Variants in TNRC6C observed in about 807,000 individuals in gnomAD.
The protein encoded by TNRC6C is trinucleotide repeat containing adaptor 6C.
Under a neutral mutation model 153.7 loss-of-function variants are expected in TNRC6C, and 20 were observed. The ratio of observed to expected loss-of-function variants is 0.13; its 90% CI spans 0.09 to 0.19. The LOEUF (loss-of-function observed/expected upper bound fraction) is 0.19. Ranked by LOEUF, TNRC6C falls within the 10% of genes least tolerant of loss-of-function variation. TNRC6C has a pLI of 1.00. For synonymous variants in TNRC6C, 811 were observed against 841.4 expected (o/e 0.96, Z 0.63); for missense variants, 1,987 against 2,172.0 (o/e 0.91, Z 1.69).
chr17:78,075,251 C>T lies in TNRC6C; in HGVS notation c.3033C>T (p.Ser1011=), dbSNP rs200983108. Reference sequence around the variant, plus strand: ...GCCCGCCAATCTCCAAAGAGTCTTCCGTGGACCGCCCCACCTTTCTTGACA... The same window carrying T: ...GCCCGCCAATCTCCAAAGAGTCTTCTGTGGACCGCCCCACCTTTCTTGACA... Residue 1011 remains serine, a synonymous_variant, in exon 8 of 20, where the codon TCC becomes TCT. Transcript: ENST00000301624. The surrounding 1 kb of genome is among the most constrained non-coding windows in gnomAD (Gnocchi z 4.2). 11 of 1,599,880 alleles carry T rather than the reference C, an allele frequency of 6.9e-6. No homozygotes were observed. In the East Asian group the frequency reaches 9.0e-5, roughly 13 times the overall value.
intron 7 of TNRC6C, among the ~76,000 whole-genome samples, chr17:78,073,717 G>A (rs2073037213): frequency 6.6e-6 from 1 of 152,180 alleles, no homozygotes; most frequent in Non-Finnish European, 1.5e-5. Flanking sequence ...CAACATTTTT[G>A]TCAACCAATC....
At chr17:78,050,489 C>T (rs753886770) in exon 3 of TNRC6C, 1 of 1,613,990 alleles carries the variant, frequency 6.2e-7, no homozygotes, top group Non-Finnish European at 8.5e-7. Flanking sequence ...GACAATGGGA[C>T]AGAGGCCTGG....
At chr17:78,027,855 C>T (rs1279058137) in intron 1 of TNRC6C, among the ~76,000 whole-genome samples, 1 of 149,662 alleles carries the variant, frequency 6.7e-6, no homozygotes, top group African/African-American at 2.5e-5. Context: ...AGATGTGGGA[C>T]AAAGAACAGG....
At chr17:77,967,580 G>C (rs895894298) in intron 1 of TNRC6C, among the ~76,000 whole-genome samples, 4 of 152,194 alleles carry the variant, frequency 2.6e-5, no homozygotes, top group African/African-American at 9.7e-5. Context: ...CTGCACTACT[G>C]TTTTCTGTAG....
intron 4 of TNRC6C, among the ~76,000 whole-genome samples, chr17:78,065,545 T>A (rs1476665848): frequency 6.6e-6 from 1 of 152,194 alleles, no homozygotes; most frequent in Non-Finnish European, 1.5e-5. Context: ...TTCTTGTACC[T>A]GCCACATTAA....
intron 1 of TNRC6C, among the ~76,000 whole-genome samples, chr17:77,971,081 T>C (rs184585431): frequency 2.2e-4 from 33 of 152,336 alleles, no homozygotes; most frequent in Admixed American, 3.9e-4. Flanking sequence ...AATGTAAAGA[T>C]GTTATAATTT....
chr17:77,986,337 C>T (rs888939220), intron 1 of TNRC6C, among the ~76,000 whole-genome samples: 3 of 150,322 alleles, frequency 2.0e-5, no homozygotes, highest in Admixed American at 1.3e-4. Context: ...ATCGTTTGAA[C>T]GCGGGAGACA....
intron 9 of TNRC6C, chr17:78,077,904 C>T (rs2073112571): frequency 6.4e-6 from 1 of 156,320 alleles, no homozygotes; most frequent in African/African-American, 2.4e-5. Flanking sequence ...CACTTCATCT[C>T]ACTTTTCTCA....
chr17:78,009,420 A>G (rs1175328991), intron 1 of TNRC6C, among the ~76,000 whole-genome samples: 1 of 152,172 alleles, frequency 6.6e-6, no homozygotes, highest in Non-Finnish European at 1.5e-5. Context: ...AATTTAATTC[A>G]GTGCTTTTAG....
intron 1 of TNRC6C, among the ~76,000 whole-genome samples, chr17:78,029,080 TACTC>T (rs1292362122): frequency 1.3e-5 from 2 of 152,242 alleles, no homozygotes; most frequent in Non-Finnish European, 2.9e-5. Flanking sequence ...TTATGCAACT[TACTC>T]TAATATGATT....
chr17:78,101,809 C>T (rs937813654), intron 17 of TNRC6C, among the ~76,000 whole-genome samples: 12 of 152,202 alleles, frequency 7.9e-5, no homozygotes, highest in Admixed American at 3.9e-4. Context: ...AGCAGTCTTC[C>T]GCCCTGGGTG....
At chr17:78,074,247 C>T (rs1377966462) in intron 7 of TNRC6C, among the ~76,000 whole-genome samples, 2 of 152,178 alleles carry the variant, frequency 1.3e-5, no homozygotes, top group Non-Finnish European at 2.9e-5. Context: ...AAGGACACTT[C>T]TTTACAACCT....
chr17:77,984,940 A>T (rs1050312291), intron 1 of TNRC6C, among the ~76,000 whole-genome samples: 4 of 152,212 alleles, frequency 2.6e-5, no homozygotes, highest in Non-Finnish European at 5.9e-5. Flanking sequence ...CTCTAAAAAC[A>T]TAACCACCTT....
chr17:77,960,537 T>G (rs1248093183), intron 1 of TNRC6C, among the ~76,000 whole-genome samples: 1 of 152,204 alleles, frequency 6.6e-6, no homozygotes, highest in African/African-American at 2.4e-5. Flanking sequence ...AAACCTGGCT[T>G]GAGTGATTTC....
intron 1 of TNRC6C, among the ~76,000 whole-genome samples, chr17:77,984,772 T>C (rs1222165706): frequency 6.6e-6 from 1 of 152,174 alleles, no homozygotes; most frequent in African/African-American, 2.4e-5. Context: ...GTGGCAGCCA[T>C]GCCCTCTCCA....
intron 1 of TNRC6C, among the ~76,000 whole-genome samples, chr17:78,006,458 G>C (rs1368406324): frequency 6.6e-6 from 1 of 152,002 alleles, no homozygotes; most frequent in Non-Finnish European, 1.5e-5. Flanking sequence ...AGAGTTAACT[G>C]TTCTGGATCA....
chr17:78,007,805 T>G (rs564058116), intron 1 of TNRC6C, among the ~76,000 whole-genome samples: 68 of 152,386 alleles, frequency 4.5e-4, no homozygotes, highest in Admixed American at 4.0e-3. Context: ...AATTTTGGTT[T>G]TGATAATTAG....
chr17:78,007,084 T>TC (rs950978836), intron 1 of TNRC6C, among the ~76,000 whole-genome samples: 4 of 151,218 alleles, frequency 2.6e-5, no homozygotes, highest in African/African-American at 4.9e-5. Flanking sequence ...CTCAAATGAT[T>TC]CCCCCCCACC....
At chr17:77,958,209 G>A (rs1248035631), upstream of TNRC6C, among the ~76,000 whole-genome samples, 3 of 152,078 alleles carry the variant, frequency 2.0e-5, no homozygotes, top group Admixed American at 6.5e-5. Flanking sequence ...CGGGCGCCGC[G>A]GGGCGCTGGC....
Sources: gnomAD v4.1 joint callset for allele counts (sites outside exome capture counted in the v4.1 genomes callset) on GRCh38, gnomAD v4.1.1 for gene constraint, Gnocchi (gnomAD v3.1) non-coding constraint, MANE v1.5 for transcripts, NCBI Gene and HGNC (gene_info 2026-07-23, HGNC 2026-07-21) for gene names.